Variants in DMRT1 observed in about 807,000 individuals in gnomAD.
The protein encoded by DMRT1 is doublesex and mab-3 related transcription factor 1, also known as doublesex- and mab-3-related transcription factor 1.
DMRT1 carries 7 observed loss-of-function variants against 32.3 expected under a neutral mutation model. The observed-to-expected ratio is 0.22, with a 90% CI of 0.12 to 0.41. DMRT1 has a LOEUF of 0.41. Ranked by LOEUF, DMRT1 falls within the 10% of genes least tolerant of loss-of-function variation. The pLI, the probability that DMRT1 is intolerant of heterozygous loss-of-function variation, is 1.00. For missense variants in DMRT1, 625 were observed against 500.5 expected (o/e 1.25, Z -2.37); for synonymous variants, 278 against 206.1 (o/e 1.35, Z -2.99).
chr9:882,907 G>A (rs1388065537), intron 2 of DMRT1, among the ~76,000 whole-genome samples: 1 of 151,788 alleles, frequency 6.6e-6, no homozygotes, highest in African/African-American at 2.4e-5. Flanking sequence ...CAGTAGCTGG[G>A]ATTACAGGTG....
At chr9:942,940 G>C (rs1471797971) in intron 4 of DMRT1, among the ~76,000 whole-genome samples, 3 of 152,002 alleles carry the variant, frequency 2.0e-5, no homozygotes, top group Non-Finnish European at 2.9e-5. Flanking sequence ...ATAAATCGCA[G>C]AGCAGGAATT....
intron 3 of DMRT1, 77 bp downstream of exon 3, chr9:894,272 C>G: frequency 6.8e-7 from 1 of 1,481,006 alleles, no homozygotes; most frequent in Non-Finnish European, 9.4e-7. Context: ...CACATACACA[C>G]AGAGGCACAC....
At chr9:853,945 G>T (rs577806188) in intron 2 of DMRT1, among the ~76,000 whole-genome samples, 1 of 151,150 alleles carries the variant, frequency 6.6e-6, no homozygotes, top group East Asian at 2.0e-4. Flanking sequence ...ACAGGTGCAC[G>T]CTATCATGCC....
intron 3 of DMRT1, among the ~76,000 whole-genome samples, chr9:907,313 A>G (rs1257149046): frequency 2.6e-5 from 4 of 152,176 alleles, no homozygotes. Flanking sequence ...CCTGGTATAC[A>G]TGGGTTCAGT....
chr9:859,712 T>A (rs780444146), intron 2 of DMRT1, among the ~76,000 whole-genome samples: 19 of 152,204 alleles, frequency 1.2e-4, no homozygotes, highest in Non-Finnish European at 2.8e-4. Flanking sequence ...TAGTTGCTAA[T>A]CTGGTCTCAT....
At chr9:920,455 C>T (rs1406718469) in intron 4 of DMRT1, among the ~76,000 whole-genome samples, 2 of 152,148 alleles carry the variant, frequency 1.3e-5, no homozygotes, top group Admixed American at 6.6e-5. Context: ...GGACTGGAAT[C>T]GACCATCAGC....
chr9:928,940 A>G (rs1415408455), intron 4 of DMRT1, among the ~76,000 whole-genome samples: 3 of 151,294 alleles, frequency 2.0e-5, no homozygotes, highest in Non-Finnish European at 4.4e-5. Flanking sequence ...CAGATTCAAG[A>G]GATTCTTGTG....
chr9:872,160 C>G (rs1024055349), intron 2 of DMRT1, among the ~76,000 whole-genome samples: 3 of 151,188 alleles, frequency 2.0e-5, no homozygotes, highest in African/African-American at 7.4e-5. Context: ...CTCCCAGGTT[C>G]AAGGGATTCT....
chr9:908,478 A>G (rs528399771), intron 3 of DMRT1, among the ~76,000 whole-genome samples: 1 of 151,852 alleles, frequency 6.6e-6, no homozygotes, highest in South Asian at 2.1e-4. Context: ...TTTAAAAAAG[A>G]CTGATGTGAA....
chr9:865,962 G>C (rs565565021), intron 2 of DMRT1, among the ~76,000 whole-genome samples: 31 of 151,942 alleles, frequency 2.0e-4, no homozygotes, highest in African/African-American at 6.8e-4. Flanking sequence ...TCAGGAGTTC[G>C]AGACCAGCCT....
chr9:885,276 C>G (rs1321467472), intron 2 of DMRT1, among the ~76,000 whole-genome samples: 1 of 152,198 alleles, frequency 6.6e-6, no homozygotes, highest in African/African-American at 2.4e-5. Flanking sequence ...ATTAGATCCT[C>G]TGCCTTATTG....
At chr9:951,228 G>T (rs1358943225) in intron 4 of DMRT1, among the ~76,000 whole-genome samples, 1 of 152,034 alleles carries the variant, frequency 6.6e-6, no homozygotes, top group African/African-American at 2.4e-5. Flanking sequence ...TTAAATACCA[G>T]TCATTTCTGT....
chr9:906,180 T>C lies in DMRT1; in HGVS notation c.823-10583T>C, dbSNP rs1044287610. Among the ~76,000 whole-genome samples the C allele has an allele frequency of 5.9e-5, 9 of 152,280 alleles. No individual in the cohort carries two copies. In the East Asian group the frequency reaches 1.7e-3, roughly 29 times the overall value. Reference sequence around the variant, plus strand: ...TGGTCTTAGAGTGGGCAGGGCTTTTTCCTGCCACCCACAAGTTGAGTGTGT... The same window carrying C: ...TGGTCTTAGAGTGGGCAGGGCTTTTCCCTGCCACCCACAAGTTGAGTGTGT... On this transcript the variant is annotated intron_variant, in intron 3 of 4. Coordinates refer to ENST00000382276, the MANE Select transcript of DMRT1 (RefSeq NM_021951.3).
intron 2 of DMRT1, among the ~76,000 whole-genome samples, chr9:858,049 C>G (rs1187077025): frequency 1.3e-5 from 2 of 152,012 alleles, no homozygotes; most frequent in East Asian, 1.9e-4. Flanking sequence ...GGGTTGGTTT[C>G]AAGTCTTTGC....
rs543869996 is a variant in DMRT1 at position 861,712 on chromosome 9, C to T, written c.538+14569C>T. On this transcript the variant is annotated intron_variant, in intron 2 of 4. Transcript: ENST00000382276. ...GGGGCCCCCCACCTCCCAGACGGGG[C>T]GGCTGGCCGGGCAGGGGCTGCCCCC... Among the ~76,000 whole-genome samples the T allele has an allele frequency of 8.4e-3, 1,108 of 131,728 alleles. 15 individuals are homozygous for T. Among genetic ancestry groups the T allele is most frequent in the African/African-American group, 0.033 (1,014 of 31,134 alleles). 86.4% of individuals were successfully genotyped at this position (131,728 alleles called of 152,430 possible). A position where few individuals can be genotyped will look rare whatever the true frequency, so the allele number is the denominator to read the frequency against.
chr9:845,258 G>A (rs1320986649), intron 1 of DMRT1, among the ~76,000 whole-genome samples: 1 of 151,970 alleles, frequency 6.6e-6, no homozygotes, highest in Non-Finnish European at 1.5e-5. Flanking sequence ...TGCCCAGGCT[G>A]GAGTGCAGTG....
Position 916,797 on chromosome 9 carries a change from C to T in DMRT1, c.857C>T (p.Ser286Phe). The T allele has an allele frequency of 6.2e-7, 1 of 1,614,196 alleles. No individual in the cohort carries two copies. Among genetic ancestry groups the T allele is most frequent in the Non-Finnish European group, 8.5e-7 (1 of 1,180,040 alleles). The change falls in exon 4 of 5, where the codon TCC (serine) becomes TTC (phenylalanine). Residue 286 changes from serine to phenylalanine, a missense_variant. Physicochemically the swap from Ser to Phe is radical, Grantham distance 155 (BLOSUM62 -2). Transcript: ENST00000382276. ...KNMENRHAMS[S>F]QYRMHSYYPP... Reference sequence around the variant, plus strand: ...ATGGAGAACCGCCATGCAATGAGCTCCCAGTACAGGATGCATTCTTACTAC... The same window carrying T: ...ATGGAGAACCGCCATGCAATGAGCTTCCAGTACAGGATGCATTCTTACTAC...
chr9:875,287 A>G (rs1351754182), intron 2 of DMRT1, among the ~76,000 whole-genome samples: 1 of 152,242 alleles, frequency 6.6e-6, no homozygotes, highest in African/African-American at 2.4e-5. Flanking sequence ...TGGTTGACGC[A>G]GTTACAGATG....
chr9:907,522 G>A (rs752602711), intron 3 of DMRT1, among the ~76,000 whole-genome samples: 1 of 152,154 alleles, frequency 6.6e-6, no homozygotes, highest in Non-Finnish European at 1.5e-5. Context: ...CAGGTTTTAG[G>A]AAAAGGAAAC....
Sources: allele counts gnomAD v4.1 joint callset (sites outside exome capture counted in the v4.1 genomes callset), GRCh38; gene constraint gnomAD v4.1.1; transcripts MANE v1.5; gene names NCBI Gene and HGNC (gene_info 2026-07-23, HGNC 2026-07-21).